PASD1: variants seen among roughly 807,000 people sequenced by gnomAD.
PASD1 encodes the protein circadian clock protein PASD1.
A neutral mutation model predicts 58.8 loss-of-function variants in PASD1; 13 were observed. The observed-to-expected ratio is 0.22, with a 90% confidence interval of 0.14 to 0.35. The LOEUF is 0.35. Among genes scored for constraint, PASD1 ranks in the 10% least tolerant of loss-of-function variants. The probability of loss-of-function intolerance (pLI) is 1.00; values close to 1 mark genes in which losing one functional copy is unlikely to be tolerated. For missense variants in PASD1, 734 were observed against 568.3 expected, an observed-to-expected ratio of 1.29 and a Z score of -2.96; for synonymous variants, 236 against 216.7, an observed-to-expected ratio of 1.09 and a Z score of -0.78.
At chrX:151,649,681 A>G (rs1346320521) in intron 9 of PASD1, among the ~76,000 whole-genome samples, 1 of 112,277 alleles carries the variant, frequency 8.9e-6, no homozygotes, top group Non-Finnish European at 1.9e-5. Flanking sequence ...AGTCATAAAT[A>G]TTAGATGCAC....
intron 1 of PASD1, among the ~76,000 whole-genome samples, chrX:151,567,793 C>G (rs972390026): frequency 8.9e-6 from 1 of 112,448 alleles, no homozygotes; most frequent in Admixed American, 9.4e-5. Flanking sequence ...ATGATCTTGG[C>G]TCACTGCAAC....
Position 151,674,195 on chromosome X carries a change from C to G in PASD1, c.2175+9C>G. The G allele has an allele frequency of 8.3e-7, 1 of 1,210,398 alleles. No individual in the cohort carries two copies. On this transcript the variant is annotated intron_variant, in intron 15 of 15. Coordinates refer to ENST00000370357, the MANE Select transcript of PASD1 (RefSeq NM_173493.3). ...AACCCACCTACCATCAGGTATGGGA[C>G]AGCCCCCTCCTTTTCCTTCCAGCGC...
rs2014550327 is a variant in PASD1, at chrX:151,676,637, A to G, written c.*494A>G. 8.8e-6 allele frequency: 1 copy of G among 113,418 alleles called. No individual in the cohort carries two copies. The highest frequency in any genetic ancestry group is 3.2e-5 in the African/African-American group (1 of 30,946). The allele number at this position is 113,418 out of a possible 1,213,427, so 9.3% of individuals were successfully genotyped here. ...GTCTTGTTGGAGAAGCCCAGAGAGA[A>G]TGGGACTCCAACTAAGGGAACCTGA... On this transcript the variant is annotated 3_prime_UTR_variant, in exon 16 of 16. Coordinates refer to ENST00000370357, the MANE Select transcript of PASD1 (RefSeq NM_173493.3).
Position 151,584,917 on chromosome X carries a change from G to A in PASD1, c.-27-16610G>A, listed in dbSNP as rs529577532. 3.6e-5 allele frequency among the ~76,000 whole-genome samples: 4 copies of A among 112,097 alleles called. 1 individual carries two copies. In the South Asian group the frequency reaches 1.5e-3, roughly 42 times the overall value. On this transcript the variant is annotated intron_variant, in intron 1 of 15. Transcript: ENST00000370357. ...CACTGCACTTTGCAAAGAGAAGGGT[G>A]AGCTGTTAAGGAAACATAGTTTGTA...
intron 9 of PASD1, among the ~76,000 whole-genome samples, chrX:151,651,904 C>A (rs1055265052): frequency 8.9e-6 from 1 of 112,257 alleles, no homozygotes; most frequent in African/African-American, 3.2e-5. Context: ...ATCTCAGTAT[C>A]TATGTCTCTT....
rs527351917 is a variant in PASD1 at position 151,636,810 on chromosome X, A to G, written c.629+11280A>G. On this transcript the variant is annotated intron_variant, in intron 8 of 15. Coordinates refer to ENST00000370357, the MANE Select transcript of PASD1 (RefSeq NM_173493.3). ...CAGTTCTGTGGATTTTAAGAAAGCT[A>G]TAGATTCATTCAACCACCACCATAA... 4.1e-4 allele frequency among the ~76,000 whole-genome samples: 46 copies of G among 111,550 alleles called. No homozygotes were observed. In the South Asian group the frequency reaches 0.016, roughly 38 times the overall value.
At chrX:151,638,758 T>G (rs2013962719) in intron 8 of PASD1, among the ~76,000 whole-genome samples, 1 of 111,870 alleles carries the variant, frequency 8.9e-6, no homozygotes, top group Admixed American at 9.5e-5. Flanking sequence ...TCTTAAGAAT[T>G]CATTACCGAA....
intron 8 of PASD1, among the ~76,000 whole-genome samples, chrX:151,630,336 A>G (rs1293414221): frequency 9.0e-6 from 1 of 111,160 alleles, no homozygotes; most frequent in Non-Finnish European, 1.9e-5. Flanking sequence ...TGTCACCCTC[A>G]CCCTTGTCTG....
intron 1 of PASD1, among the ~76,000 whole-genome samples, chrX:151,577,821 C>A (rs191832696): frequency 8.9e-6 from 1 of 111,931 alleles, no homozygotes; most frequent in Non-Finnish European, 1.9e-5. Context: ...CCACTGCGCC[C>A]GGCCCTGAGA....
chrX:151,582,437 A>G (rs1318148207), intron 1 of PASD1, among the ~76,000 whole-genome samples: 1 of 111,084 alleles, frequency 9.0e-6, no homozygotes, highest in Non-Finnish European at 1.9e-5. Flanking sequence ...CTGTACCACC[A>G]TGCCTGGCCT....
In PASD1 at chrX:151,621,549, C is replaced by T. The variant is rs770040709; in HGVS notation, c.375C>T (p.Tyr125=). Residue 125 remains tyrosine (Y), a synonymous_variant, in exon 6 of 16, where the codon TAC becomes TAT. Coordinates refer to ENST00000370357, the MANE Select transcript of PASD1 (RefSeq NM_173493.3). Reference sequence around the variant, plus strand: ...TCGAACATGGTGATAGTTCTGCTTACGAAAACGTGAAATTTATTGTGAATG... The same window carrying T: ...TCGAACATGGTGATAGTTCTGCTTATGAAAACGTGAAATTTATTGTGAATG... ...GNVEHGDSSA[Y]ENVKFIVNVR... 2.0e-5 allele frequency: 24 copies of T among 1,203,187 alleles called. No individual in the cohort carries two copies. Among genetic ancestry groups the T allele is most frequent in the Admixed American group, 8.8e-5 (4 of 45,207 alleles).
chrX:151,673,919 C>T lies in PASD1; in HGVS notation c.1917-9C>T, dbSNP rs970120773. On this transcript the variant is annotated splice_polypyrimidine_tract_variant and intron_variant, in intron 14 of 15. Coordinates refer to ENST00000370357, the MANE Select transcript of PASD1 (RefSeq NM_173493.3). ...TCCACATCACTGCAACAGCTTTCTT[C>T]TCTTACAGTTTTTATCCTGAGGCGT... 8.3e-7 allele frequency: 1 copy of T among 1,211,046 alleles called. No homozygotes were observed. Among genetic ancestry groups the T allele is most frequent in the Non-Finnish European group, 1.1e-6 (1 of 894,828 alleles).
intron 8 of PASD1, among the ~76,000 whole-genome samples, chrX:151,643,574 C>T (rs2014022482): frequency 9.0e-6 from 1 of 111,284 alleles, no homozygotes. Context: ...ACTATGTACA[C>T]ACAAAAATAA....
At chrX:151,674,339 G>A (rs139980751) in intron 15 of PASD1, among the ~76,000 whole-genome samples, 153 bp downstream of exon 15, 1,242 of 112,496 alleles carry the variant, frequency 0.011, 13 homozygotes, top group African/African-American at 0.037. Context: ...CATGATGGTA[G>A]CACTCATTGC....
intron 9 of PASD1, among the ~76,000 whole-genome samples, chrX:151,659,313 T>C (rs1048407422): frequency 5.4e-5 from 6 of 111,620 alleles, no homozygotes; most frequent in African/African-American, 1.6e-4. Flanking sequence ...ACCAGTTTGT[T>C]TGGGTCTAAT....
rs981041415 is a variant in PASD1 at position 151,671,389 on chromosome X, C to T, written c.1231-184C>T. Among the ~76,000 whole-genome samples the T allele has an allele frequency of 2.7e-5, 3 of 112,275 alleles. No homozygotes were observed. The Admixed American group carries it at 2.8e-4, about 11-fold the overall frequency. ...AGGGACTTAGAGTTTTGCCCTTTTT[C>T]TCCTGGCTACAAGAGCTGAGATTGG... On this transcript the variant is annotated intron_variant, in intron 12 of 15. Transcript: ENST00000370357.
At chrX:151,580,764 G>T (rs2013077953) in intron 1 of PASD1, among the ~76,000 whole-genome samples, 1 of 110,273 alleles carries the variant, frequency 9.1e-6, no homozygotes, top group African/African-American at 3.3e-5. Flanking sequence ...AATTAACTTG[G>T]TTAAAAACTC....
intron 8 of PASD1, among the ~76,000 whole-genome samples, chrX:151,642,298 T>C (rs1252576045): frequency 8.9e-6 from 1 of 112,136 alleles, no homozygotes; most frequent in Non-Finnish European, 1.9e-5. Flanking sequence ...CATTCTTACA[T>C]TGTAAAAAAA....
chrX:151,613,145 T>G (rs2013589153), intron 4 of PASD1, among the ~76,000 whole-genome samples: 1 of 111,546 alleles, frequency 9.0e-6, no homozygotes, highest in African/African-American at 3.3e-5. Context: ...TGGCATTATT[T>G]CTGAGGGCTC....
Sources: allele counts gnomAD v4.1 joint callset (sites outside exome capture counted in the v4.1 genomes callset), GRCh38; gene constraint gnomAD v4.1.1; transcripts MANE v1.5; gene names NCBI Gene and HGNC (gene_info 2026-07-23, HGNC 2026-07-21).